Variants in CAMK2B observed in about 807,000 individuals in gnomAD.
The protein encoded by CAMK2B is calcium/calmodulin dependent protein kinase II beta.
CAMK2B carries 27 observed loss-of-function variants against 93.7 expected under a neutral mutation model. The observed-to-expected ratio is 0.29, with a 90% CI of 0.21 to 0.40. The LOEUF (loss-of-function observed/expected upper bound fraction) is 0.40. Among genes scored for constraint, CAMK2B ranks in the 10% least tolerant of loss-of-function variants. CAMK2B has a pLI of 1.00. For synonymous variants in CAMK2B, 374 were observed against 358.8 expected, an observed-to-expected ratio of 1.04 and a Z score of -0.48; for missense variants, 568 against 895.8, an observed-to-expected ratio of 0.63 and a Z score of 4.67.
At chr7:44,305,610 C>G (rs1437294063) in intron 1 of CAMK2B, among the ~76,000 whole-genome samples, 1 of 152,178 alleles carries the variant, frequency 6.6e-6, no homozygotes, top group Non-Finnish European at 1.5e-5. Flanking sequence ...GACGGGGCAC[C>G]CCTGTGAGGT....
chr7:44,305,281 C>T (rs960788929), intron 1 of CAMK2B, among the ~76,000 whole-genome samples: 1 of 152,188 alleles, frequency 6.6e-6, no homozygotes, highest in East Asian at 1.9e-4. Context: ...GAATGCTCTG[C>T]TGAGACCATG....
intron 1 of CAMK2B, among the ~76,000 whole-genome samples, chr7:44,306,154 A>G (rs1791448370): frequency 6.7e-6 from 1 of 149,392 alleles, no homozygotes; most frequent in African/African-American, 2.5e-5. Context: ...GGGGGTGAGC[A>G]CTCTTCCTGA....
intron 1 of CAMK2B, among the ~76,000 whole-genome samples, chr7:44,316,974 C>G (rs1794956276): frequency 1.3e-5 from 2 of 152,036 alleles, no homozygotes; most frequent in African/African-American, 4.8e-5. Context: ...TAATTATTCT[C>G]AGAGGTATTA....
At chr7:44,305,455 A>G (rs1391767762) in intron 1 of CAMK2B, among the ~76,000 whole-genome samples, 1 of 152,154 alleles carries the variant, frequency 6.6e-6, no homozygotes, top group African/African-American at 2.4e-5. Context: ...TGCACCCCAG[A>G]CTGGGTGGCA....
chr7:44,245,434 G>T lies in CAMK2B; in HGVS notation c.414+1686C>A, dbSNP rs117246957. 7.7e-4 allele frequency among the ~76,000 whole-genome samples: 118 copies of T among 152,348 alleles called. 2 individuals are homozygous for T. In the East Asian group the frequency reaches 0.02, roughly 26 times the overall value. On this transcript the variant is annotated intron_variant, in intron 6 of 23. Coordinates refer to ENST00000395749, the MANE Select transcript of CAMK2B (RefSeq NM_001220.5). Reference sequence around the variant, plus strand: ...CCTCAACAGGAGGTTGAGACAGCAAGAATTCTGTTTGTCCCCCAAATTGGG... The same window carrying T: ...CCTCAACAGGAGGTTGAGACAGCAATAATTCTGTTTGTCCCCCAAATTGGG...
intron 5 of CAMK2B, among the ~76,000 whole-genome samples, chr7:44,252,809 G>C (rs2096792410): frequency 6.6e-6 from 1 of 152,216 alleles, no homozygotes; most frequent in South Asian, 2.1e-4. Context: ...CAGAGCAGGG[G>C]GACAGGGCTC....
At chr7:44,266,616 T>C (rs2096923602) in intron 2 of CAMK2B, among the ~76,000 whole-genome samples, 1 of 152,204 alleles carries the variant, frequency 6.6e-6, no homozygotes, top group Non-Finnish European at 1.5e-5. Flanking sequence ...ACCAGAGCAG[T>C]GGCCACTGAG....
Position 44,286,101 on chromosome 7 carries a change from G to A in CAMK2B, c.66-1876C>T, listed in dbSNP as rs1052384301. On this transcript the variant is annotated intron_variant, in intron 1 of 23. Transcript: ENST00000395749. The surrounding 1 kb of genome is among the most constrained non-coding windows in gnomAD (Gnocchi z 4.0). ...TCTGGCTTCAATCCTGGTTAGACGG[G>A]GTGACACAGCTCTCTGAGCCTCAGT... Among the ~76,000 whole-genome samples, 2 of 152,112 alleles carry A rather than the reference G, an allele frequency of 1.3e-5. No individual in the cohort carries two copies. Among genetic ancestry groups the A allele is most frequent in the Admixed American group, 1.3e-4 (2 of 15,278 alleles).
At chr7:44,279,462 C>G (rs1194140894) in intron 2 of CAMK2B, among the ~76,000 whole-genome samples, 1 of 152,262 alleles carries the variant, frequency 6.6e-6, no homozygotes, top group East Asian at 1.9e-4. Flanking sequence ...CTGGGTATCC[C>G]TGCCCCTGCC....
chr7:44,310,605 A>G (rs1793285772), intron 1 of CAMK2B, among the ~76,000 whole-genome samples: 1 of 152,276 alleles, frequency 6.6e-6, no homozygotes, highest in Non-Finnish European at 1.5e-5. Flanking sequence ...AAATGCACAC[A>G]ATGGAATATT....
At chr7:44,239,765 A>T in intron 12 of CAMK2B, 102 bp from the exon 13 acceptor site, 1 of 821,108 alleles carries the variant, frequency 1.2e-6, no homozygotes, top group Admixed American at 2.1e-5. Context: ...AAGCAGAAGA[A>T]GATTAGAGTT....
At chr7:44,292,191 C>T (rs970200454) in intron 1 of CAMK2B, among the ~76,000 whole-genome samples, 1 of 152,102 alleles carries the variant, frequency 6.6e-6, no homozygotes, top group Non-Finnish European at 1.5e-5. Flanking sequence ...GATGCATCAC[C>T]CCAATCTCTG....
intron 13 of CAMK2B, among the ~76,000 whole-genome samples, chr7:44,236,300 C>T (rs1482989865): frequency 3.9e-5 from 6 of 152,172 alleles, no homozygotes; most frequent in South Asian, 2.1e-4. Flanking sequence ...AGTGGCTGCA[C>T]GTGGCCCTGC....
chr7:44,225,790 C>G lies in CAMK2B; in HGVS notation c.1597+726G>C, dbSNP rs1185150440. Reference sequence around the variant, plus strand: ...AGCCACTGCCCTGCCATGCCGAGCCCGTGGCCCAGCAGCCTCTTCTCTAAG... The same window carrying G: ...AGCCACTGCCCTGCCATGCCGAGCCGGTGGCCCAGCAGCCTCTTCTCTAAG... On this transcript the variant is annotated intron_variant, in intron 20 of 23. Coordinates refer to ENST00000395749, the MANE Select transcript of CAMK2B (RefSeq NM_001220.5). This position sits in a 1 kb window ranked among gnomAD's most constrained non-coding sequence, Gnocchi z 5.0. 7.8e-7 allele frequency: 1 copy of G among 1,289,530 alleles called. No homozygotes were observed. The highest frequency in any genetic ancestry group is 1.0e-6 in the Non-Finnish European group (1 of 988,810). 79.9% of individuals were successfully genotyped at this position (1,289,530 alleles called of 1,614,324 possible). A position where few individuals can be genotyped will look rare whatever the true frequency, so the allele number is the denominator to read the frequency against.
chr7:44,275,807 C>T (rs887167800), intron 2 of CAMK2B, among the ~76,000 whole-genome samples: 1 of 152,136 alleles, frequency 6.6e-6, no homozygotes, highest in Non-Finnish European at 1.5e-5. Context: ...GAAGGCCTGC[C>T]TCCCAGCTCC....
chr7:44,283,226 C>A (rs1784187749), intron 2 of CAMK2B, among the ~76,000 whole-genome samples: 1 of 152,248 alleles, frequency 6.6e-6, no homozygotes, highest in Non-Finnish European at 1.5e-5. Flanking sequence ...AGGCCTCTGC[C>A]CATCATCATC....
intron 1 of CAMK2B, among the ~76,000 whole-genome samples, chr7:44,322,747 G>A (rs1041924854): frequency 3.3e-5 from 5 of 152,214 alleles, no homozygotes; most frequent in South Asian, 4.1e-4. Flanking sequence ...GGGAAGATTC[G>A]GGAGCAGAGA....
At chr7:44,258,818 C>A in intron 4 of CAMK2B, 54 bp downstream of exon 4, 1 of 1,565,224 alleles carries the variant, frequency 6.4e-7, no homozygotes, top group Non-Finnish European at 8.8e-7. Context: ...CAGATCCCAC[C>A]CTGAGCCAAG....
intron 8 of CAMK2B, among the ~76,000 whole-genome samples, 175 bp from the exon 9 acceptor site, chr7:44,242,829 C>A (rs1478838088): frequency 6.6e-6 from 1 of 152,172 alleles, no homozygotes; most frequent in Non-Finnish European, 1.5e-5. Context: ...CACAGCCGGC[C>A]CCCTGACCTC....
Sources: allele counts gnomAD v4.1 joint callset (sites outside exome capture counted in the v4.1 genomes callset), GRCh38; gene constraint gnomAD v4.1.1; non-coding constraint Gnocchi (gnomAD v3.1); transcripts MANE v1.5; gene names NCBI Gene and HGNC (gene_info 2026-07-23, HGNC 2026-07-21).